ADGRG1: variants seen among roughly 807,000 people sequenced by gnomAD.
The protein encoded by ADGRG1 is 7-transmembrane protein with no EGF-like N-terminal domains-1.
In ADGRG1, 53 loss-of-function variants were observed where a neutral mutation model predicts 73.5. That is an observed-to-expected ratio of 0.72 (90% CI 0.58 to 0.91). The LOEUF is 0.91. ADGRG1 is among the 40% of genes least tolerant of loss of function. The probability of loss-of-function intolerance (pLI) is 0.00; values close to 1 mark genes in which losing one functional copy is unlikely to be tolerated. For missense variants in ADGRG1, 795 were observed against 871.8 expected (o/e 0.91, Z 1.11); for synonymous variants, 394 against 374.4 (o/e 1.05, Z -0.60).
upstream of ADGRG1, chr16:57,623,256 G>A (rs1288148826): frequency 7.1e-6 from 7 of 984,586 alleles, no homozygotes; most frequent in Non-Finnish European, 8.4e-6. Context: ...GGTGGATAGA[G>A]GCCAGTGCTG....
At chr16:57,659,259 TG>T (rs1475844052) in intron 10 of ADGRG1, 153 bp from the exon 11 acceptor site, 5 of 1,502,198 alleles carry the variant, frequency 3.3e-6, no homozygotes, top group Non-Finnish European at 4.4e-6. Context: ...GGGAACAGTT[TG>T]GCTGCAGCCA....
chr16:57,651,085 A>ATG, intron 2 of ADGRG1, 115 bp from the exon 3 acceptor site: 1 of 1,597,628 alleles, frequency 6.3e-7, no homozygotes. Flanking sequence ...GACCCTTGGA[A>ATG]TGTGTGTGAA....
At chr16:57,652,153 A>G in intron 3 of ADGRG1, 1 of 1,014,348 alleles carries the variant, frequency 9.9e-7, no homozygotes, top group Non-Finnish European at 1.2e-6. Flanking sequence ...GCGGAGTATG[A>G]GAGGTCAAAG....
At chr16:57,634,275 C>A (rs2147427086) in intron 1 of ADGRG1, 1 of 985,362 alleles carries the variant, frequency 1.0e-6, no homozygotes, top group Non-Finnish European at 1.2e-6. Context: ...GGGGGTCAGA[C>A]AACTGCCCAG....
At chr16:57,635,287 A>G (rs2039073468) in intron 1 of ADGRG1, 4 of 985,172 alleles carry the variant, frequency 4.1e-6, no homozygotes, top group African/African-American at 1.7e-5. Context: ...ATCCTATGCC[A>G]TGGCTGTCCT....
intron 1 of ADGRG1, chr16:57,629,893 C>T (rs1179352850): frequency 4.4e-6 from 2 of 450,626 alleles, no homozygotes; most frequent in African/African-American, 4.3e-5. Flanking sequence ...TCCCTGTGCC[C>T]CACTGGGAGA....
intron 10 of ADGRG1, 127 bp from the exon 11 acceptor site, chr16:57,659,286 G>A (rs932095953): frequency 6.4e-7 from 1 of 1,563,222 alleles, no homozygotes; most frequent in African/African-American, 1.3e-5. Context: ...ATAGGATAGG[G>A]GCCATGTATG....
At chr16:57,646,569 C>T (rs1199257179) in intron 1 of ADGRG1, 5 of 985,308 alleles carry the variant, frequency 5.1e-6, no homozygotes, top group Non-Finnish European at 6.0e-6. Flanking sequence ...GCCCCAGCAC[C>T]CTCTATCCCA....
At position 57,628,640 on chromosome 16, in the gene ADGRG1, T is replaced by TCTGCC. The variant is rs1176296303; in HGVS notation, c.-187_-183dup. On this transcript the variant is annotated 5_prime_UTR_variant, in exon 1 of 14. Transcript: ENST00000562631. ...GGTCCCTCCCTCTCCGCACTAGCTG[T>TCTGCC]CTGCCCTGCCCTGCCGTAGGAGATG... 6.1e-6 allele frequency: 6 copies of TCTGCC among 985,508 alleles called. No homozygotes were observed. Among genetic ancestry groups the TCTGCC allele is most frequent in the South Asian group, 9.4e-5 (2 of 21,290 alleles). The allele number at this position is 985,508 out of a possible 1,614,324, so 61.0% of individuals were successfully genotyped here.
At chr16:57,644,997 T>C (rs1365738551) in intron 1 of ADGRG1, 1 of 866,974 alleles carries the variant, frequency 1.2e-6, no homozygotes, top group East Asian at 1.3e-4. Flanking sequence ...CACACACACA[T>C]GCACACTCAT....
chr16:57,660,193 G>T (rs1365541752), intron 11 of ADGRG1: 50 of 958,874 alleles, frequency 5.2e-5, no homozygotes, highest in Non-Finnish European at 5.7e-5. Context: ...CCACAAGTCT[G>T]TTTGGACATT....
intron 1 of ADGRG1, among the ~76,000 whole-genome samples, chr16:57,632,513 A>G (rs2038245934): frequency 6.6e-6 from 1 of 152,116 alleles, no homozygotes; most frequent in South Asian, 2.1e-4. Context: ...TACCTCTCCC[A>G]TTGGACAGAT....
intron 1 of ADGRG1, chr16:57,644,035 A>G: frequency 3.0e-6 from 3 of 985,306 alleles, no homozygotes; most frequent in Non-Finnish European, 3.6e-6. Flanking sequence ...CGTTGGAGGG[A>G]GGGTCCTCTC....
chr16:57,622,772 G>A, upstream of ADGRG1: 2 of 985,380 alleles, frequency 2.0e-6, no homozygotes, highest in Non-Finnish European at 2.4e-6. Flanking sequence ...AGGAAGACGG[G>A]GCGGCCACAC....
At chr16:57,648,709 C>T in intron 1 of ADGRG1, 1 of 984,436 alleles carries the variant, frequency 1.0e-6, no homozygotes, top group Non-Finnish European at 1.2e-6. Context: ...CCGATGACTG[C>T]CTCTGTCACT....
chr16:57,635,302 A>G (rs1298920431), intron 1 of ADGRG1: 1 of 985,028 alleles, frequency 1.0e-6, no homozygotes, highest in Non-Finnish European at 1.2e-6. Context: ...TGTCCTGGCC[A>G]CACCTTCTGG....
At chr16:57,639,991 C>T (rs766007498) in intron 1 of ADGRG1, 91 of 313,754 alleles carry the variant, frequency 2.9e-4, no homozygotes, top group Non-Finnish European at 4.0e-4. Context: ...GCTCCACACC[C>T]GTCCCTGCAG....
chr16:57,662,994 T>A, intron 13 of ADGRG1: 3 of 984,868 alleles, frequency 3.0e-6, no homozygotes, highest in Non-Finnish European at 3.6e-6. Context: ...TTCCTGCCTG[T>A]GAGATGAGGG....
chr16:57,645,126 C>T (rs2042265294), intron 1 of ADGRG1: 1 of 985,354 alleles, frequency 1.0e-6, no homozygotes. Flanking sequence ...GCCCGACCCC[C>T]TGGGCCAAAT....
Sources: allele counts gnomAD v4.1 joint callset (sites outside exome capture counted in the v4.1 genomes callset), GRCh38; gene constraint gnomAD v4.1.1; transcripts MANE v1.5; gene names NCBI Gene and HGNC (gene_info 2026-07-23, HGNC 2026-07-21).